Variants in SLC9C1 observed in about 807,000 individuals in gnomAD.
SLC9C1 encodes sodium/hydrogen exchanger 10.
Under a neutral mutation model 140.9 loss-of-function variants are expected in SLC9C1, and 97 were observed. That is an observed-to-expected ratio of 0.69 (90% CI 0.58 to 0.82). SLC9C1 has a LOEUF of 0.82. Among genes scored for constraint, SLC9C1 ranks in the 40% least tolerant of loss-of-function variants. The probability of loss-of-function intolerance (pLI) is 0.00; values close to 1 mark genes in which losing one functional copy is unlikely to be tolerated. For missense variants in SLC9C1, 1,340 were observed against 1,389.3 expected, an observed-to-expected ratio of 0.96 and a Z score of 0.56; for synonymous variants, 440 against 442.6, an observed-to-expected ratio of 0.99 and a Z score of 0.07.
intron 26 of SLC9C1, among the ~76,000 whole-genome samples, chr3:112,162,247 T>C (rs566142481): frequency 3.9e-4 from 60 of 152,298 alleles, no homozygotes; most frequent in African/African-American, 1.3e-3. Context: ...CTTTTCCTAA[T>C]TGACTACCCT....
chr3:112,195,925 G>A (rs1049098901), intron 20 of SLC9C1, among the ~76,000 whole-genome samples: 2 of 152,002 alleles, frequency 1.3e-5, no homozygotes, highest in South Asian at 2.1e-4. Context: ...AACAAAAAGT[G>A]GAGTTACACA....
rs780573626 is a variant in SLC9C1, at chr3:112,217,465, T to G, written c.1767A>C (p.Arg589Ser). The change falls in exon 15 of 29, where the codon AGA becomes AGC. Residue 589 changes from arginine to serine, a missense_variant. Coordinates refer to ENST00000305815, the MANE Select transcript of SLC9C1 (RefSeq NM_183061.3). ...KLLLNWVYNTRKEKEGPSKYF... is the reference protein window; with the variant it reads ...KLLLNWVYNTSKEKEGPSKYF... ...ACTTTGATGGGCCCTCTTTTTCCTT[T>G]CTGGTATTATACACCCAATTAAGTA... is the stretch of plus-strand genomic sequence containing the variant. 1 of 1,596,174 alleles carries G rather than the reference T, an allele frequency of 6.3e-7. No homozygotes were observed. Among genetic ancestry groups the G allele is most frequent in the African/African-American group, 1.4e-5 (1 of 73,690 alleles).
chr3:112,225,278 C>T (rs1268295283), intron 13 of SLC9C1, among the ~76,000 whole-genome samples: 1 of 152,080 alleles, frequency 6.6e-6, no homozygotes, highest in Non-Finnish European at 1.5e-5. Context: ...AATACTATAT[C>T]CAGAAAAGCT....
At chr3:112,217,713 G>GAACCATGCCCATGAAAAT in intron 14 of SLC9C1, 152 bp from the exon 15 acceptor site, 1 of 588,870 alleles carries the variant, frequency 1.7e-6, no homozygotes, top group Non-Finnish European at 2.7e-6. Context: ...ACATTTTCAT[G>GAACCATGCCCATGAAAAT]GGCGTGGTTC....
intron 15 of SLC9C1, among the ~76,000 whole-genome samples, chr3:112,213,712 T>A (rs1343206394): frequency 1.3e-5 from 2 of 152,062 alleles, no homozygotes; most frequent in African/African-American, 4.8e-5. Context: ...TAAAGCAAGT[T>A]CTTAGAGACC....
At chr3:112,292,120 A>G (rs1465759098) in intron 1 of SLC9C1, among the ~76,000 whole-genome samples, 3 of 152,168 alleles carry the variant, frequency 2.0e-5, no homozygotes, top group African/African-American at 7.2e-5. Flanking sequence ...TTGAGGGTAG[A>G]TGGTGGGAGG....
chr3:112,185,534 C>A, intron 20 of SLC9C1: 1 of 1,613,224 alleles, frequency 6.2e-7, no homozygotes, highest in Non-Finnish European at 8.5e-7. Context: ...GCACAGGGGC[C>A]CCGTCAGGCG....
intron 2 of SLC9C1, among the ~76,000 whole-genome samples, chr3:112,284,672 A>T (rs1412525309): frequency 6.6e-6 from 1 of 152,214 alleles, no homozygotes; most frequent in Non-Finnish European, 1.5e-5. Flanking sequence ...TGATGCCAGC[A>T]AAAAACTTCA....
rs75961941 is a variant in SLC9C1, at chr3:112,194,710, T to G, written c.2523+4611A>C. Among the ~76,000 whole-genome samples, 457 of 152,320 alleles carry G rather than the reference T, an allele frequency of 3.0e-3. 5 individuals carry two copies. Among genetic ancestry groups the G allele is most frequent in the African/African-American group, 0.011 (446 of 41,576 alleles). On this transcript the variant is annotated intron_variant, in intron 20 of 28. Transcript: ENST00000305815. ...TAACTTTTTTGAGAAAGTGCCATAC[T>G]GTTTCCCACAGAGGTTATATCATTT...
At chr3:112,237,461 A>T (rs976599688) in intron 12 of SLC9C1, among the ~76,000 whole-genome samples, 2 of 152,112 alleles carry the variant, frequency 1.3e-5, no homozygotes, top group African/African-American at 4.8e-5. Context: ...TTTACATTTA[A>T]GGTTAATATT....
intron 2 of SLC9C1, among the ~76,000 whole-genome samples, chr3:112,282,355 G>A (rs2108351971): frequency 6.8e-6 from 1 of 146,584 alleles, no homozygotes; most frequent in Middle Eastern, 3.5e-3. Flanking sequence ...ACAGCTTTTG[G>A]ATGCTCAAGG....
intron 10 of SLC9C1, among the ~76,000 whole-genome samples, chr3:112,245,614 G>A (rs1391189327): frequency 6.6e-6 from 1 of 151,794 alleles, no homozygotes; most frequent in Non-Finnish European, 1.5e-5. Context: ...CTGAATTACT[G>A]TATTTTTATA....
At position 112,241,022 on chromosome 3, in the gene SLC9C1, CA is replaced by C. The variant is rs373778089; in HGVS notation, c.1280-1017del. Among the ~76,000 whole-genome samples the C allele has an allele frequency of 1.2e-3, 182 of 151,762 alleles. 2 individuals carry two copies. The East Asian group carries it at 0.029, about 24-fold the overall frequency. On this transcript the variant is annotated intron_variant, in intron 11 of 28. Coordinates refer to ENST00000305815, the MANE Select transcript of SLC9C1 (RefSeq NM_183061.3). The stretch of plus-strand genomic sequence containing the variant: ...GGCAGGTGGGGATGGTTAACAGGCA[CA>C]AAAATATAGAAAGAATAAATAAGAC...
intron 8 of SLC9C1, 90 bp from the exon 9 acceptor site, chr3:112,264,433 A>G: frequency 2.9e-6 from 2 of 701,458 alleles, no homozygotes; most frequent in Non-Finnish European, 2.0e-6. Context: ...CATTGTGCTA[A>G]TGATTACCAA....
Position 112,244,009 on chromosome 3 carries a change from G to A in SLC9C1, c.1265C>T (p.Ala422Val). Residue 422 changes from alanine (A) to valine (V), a missense_variant, in exon 11 of 29, where the codon GCA becomes GTA. By Grantham distance (64) the Ala-to-Val change is moderately conservative. Coordinates refer to ENST00000305815, the MANE Select transcript of SLC9C1 (RefSeq NM_183061.3). ...TTAGGGCTTACCTAGTATAGTAACTGCCACTGGCAAAATAAATCTATTGAC... is the reference window on the plus strand; with the variant it reads ...TTAGGGCTTACCTAGTATAGTAACTACCACTGGCAAAATAAATCTATTGAC... ...LVVNRFILPV[A>V]VTILGLRDAT... 2 of 1,603,750 alleles carry A rather than the reference G, an allele frequency of 1.2e-6. No individual in the cohort carries two copies. The highest frequency in any genetic ancestry group is 2.2e-5 in the East Asian group (1 of 44,582).
chr3:112,231,258 A>G (rs1392967416), intron 13 of SLC9C1, 103 bp downstream of exon 13: 2 of 1,401,786 alleles, frequency 1.4e-6, no homozygotes, highest in Non-Finnish European at 1.9e-6. Context: ...TTGCCTTTGT[A>G]AACAATCTAT....
Position 112,293,112 on chromosome 3 carries a change from C to CAA in SLC9C1, c.-88+979_-88+980dup, listed in dbSNP as rs58937356. On this transcript the variant is annotated intron_variant, in intron 1 of 28. Coordinates refer to ENST00000305815, the MANE Select transcript of SLC9C1 (RefSeq NM_183061.3). ...AGTGAAACTGTCTCTACTAAAAATACAAAAAAAAAAAAAAAAAAATTAGCC... is the reference window on the plus strand; with the variant it reads ...AGTGAAACTGTCTCTACTAAAAATACAAAAAAAAAAAAAAAAAAAAATTAGCC... Among the ~76,000 whole-genome samples, 433 of 128,960 alleles carry CAA rather than the reference C, an allele frequency of 3.4e-3. 1 individual carries two copies. The highest frequency in any genetic ancestry group is 8.9e-3 in the African/African-American group (303 of 33,944). The allele number at this position is 128,960 out of a possible 152,430, so 84.6% of individuals were successfully genotyped here.
At position 112,269,922 on chromosome 3, in the gene SLC9C1, A is replaced by C; in HGVS notation, c.769T>G (p.Tyr257Asp). 6.5e-7 allele frequency: 1 copy of C among 1,528,842 alleles called. No individual in the cohort carries two copies. Among genetic ancestry groups the C allele is most frequent in the Non-Finnish European group, 8.7e-7 (1 of 1,143,356 alleles). 94.7% of individuals were successfully genotyped at this position (1,528,842 alleles called of 1,614,324 possible). Reference protein sequence around the residue: ...LIFSILYLIFYICELVGMSGI... With the variant: ...LIFSILYLIFDICELVGMSGI... ...GCATAGGCCCCTCACTTACAAATAT[A>C]AAAGATGAGATACAGAATTGAAAAG... The change falls in exon 7 of 29, where the codon TAT (tyrosine) becomes GAT (aspartate). Residue 257 changes from tyrosine to aspartate, a missense_variant. Transcript: ENST00000305815.
rs202246436 is a variant in SLC9C1, at chr3:112,237,782, G to GC, written c.1446+2057dup. On this transcript the variant is annotated intron_variant, in intron 12 of 28. Coordinates refer to ENST00000305815, the MANE Select transcript of SLC9C1 (RefSeq NM_183061.3). ...TTTTCTCTGAGAATGTTGAATATTG[G>GC]CCCCCACTCTGTTCTGGCTTGTAGA... Among the ~76,000 whole-genome samples the GC allele has an allele frequency of 8.8e-3, 1,347 of 152,226 alleles. 19 individuals carry two copies. Among genetic ancestry groups the GC allele is most frequent in the African/African-American group, 0.031 (1,288 of 41,538 alleles).
Sources: allele counts gnomAD v4.1 joint callset (sites outside exome capture counted in the v4.1 genomes callset), GRCh38; gene constraint gnomAD v4.1.1; transcripts MANE v1.5; gene names NCBI Gene and HGNC (gene_info 2026-07-23, HGNC 2026-07-21).